The following DNAI4 variants were observed in gnomAD, a reference collection of about 807,000 sequenced individuals.
DNAI4 encodes the protein WD repeat domain 78.
In DNAI4, 85 loss-of-function variants were observed where a neutral mutation model predicts 105.8. The observed-to-expected ratio is 0.80, with a 90% CI of 0.67 to 0.96. DNAI4 has a LOEUF of 0.96. Among genes scored for constraint, DNAI4 ranks in the 40% least tolerant of loss-of-function variants. The pLI is 0.00. For missense variants in DNAI4, 1,014 were observed against 1,005.6 expected, an observed-to-expected ratio of 1.01 and a Z score of -0.11; for synonymous variants, 352 against 331.5, an observed-to-expected ratio of 1.06 and a Z score of -0.67.
intron 13 of DNAI4, among the ~76,000 whole-genome samples, chr1:66,830,232 C>CAA (rs550137777): frequency 6.9e-6 from 1 of 145,272 alleles, no homozygotes; most frequent in Non-Finnish European, 1.5e-5. Context: ...ATAAAGAAAA[C>CAA]AAAAAAAAAA....
intron 10 of DNAI4, among the ~76,000 whole-genome samples, chr1:66,836,254 G>GAAAGAAAGAA (rs1646007626): frequency 1.0e-5 from 1 of 99,008 alleles, no homozygotes; most frequent in Non-Finnish European, 2.0e-5. Flanking sequence ...AAGAGAGAGA[G>GAAAGAAAGAA]AGAAAGAAAG....
At chr1:66,831,187 T>A (rs1645860110) in intron 13 of DNAI4, among the ~76,000 whole-genome samples, 1 of 151,876 alleles carries the variant, frequency 6.6e-6, no homozygotes. Flanking sequence ...AGTTAAAAAT[T>A]AAAAATCTCC....
chr1:66,900,787 A>T (rs562656691), intron 2 of DNAI4, among the ~76,000 whole-genome samples: 1 of 152,286 alleles, frequency 6.6e-6, no homozygotes, highest in African/African-American at 2.4e-5. Context: ...TCCTAATAGT[A>T]TTTTAGTGAA....
chr1:66,910,113 T>G (rs1345986443), intron 1 of DNAI4, among the ~76,000 whole-genome samples: 1 of 152,168 alleles, frequency 6.6e-6, no homozygotes, highest in African/African-American at 2.4e-5. Flanking sequence ...TTTGGAAGAT[T>G]GAGACAGGAG....
intron 1 of DNAI4, among the ~76,000 whole-genome samples, chr1:66,914,806 CACT>C (rs1649942356): frequency 1.3e-5 from 2 of 152,130 alleles, no homozygotes; most frequent in African/African-American, 4.8e-5. Context: ...CACAATGTTT[CACT>C]ACTAAAAATA....
intron 1 of DNAI4, among the ~76,000 whole-genome samples, chr1:66,915,819 TTA>T (rs1650022648): frequency 2.0e-5 from 3 of 151,864 alleles, no homozygotes; most frequent in African/African-American, 7.3e-5. Context: ...GAGAATAATT[TTA>T]TATGAGAAAA....
rs1651065158 is a variant in DNAI4, at chr1:66,924,839, G to A, written c.-8C>T. 4 of 1,613,516 alleles carry A rather than the reference G, an allele frequency of 2.5e-6. No individual in the cohort carries two copies. Among genetic ancestry groups the A allele is most frequent in the Middle Eastern group, 1.7e-4 (1 of 6,054 alleles). On this transcript the variant is annotated 5_prime_UTR_variant, in exon 1 of 17. Coordinates refer to ENST00000371026, the MANE Select transcript of DNAI4 (RefSeq NM_024763.5). ...ATGTTTGCCGGGCGTCATGGCGACG[G>A]TGGAGCCCTGGCTCAACAAGCGGCC...
intron 3 of DNAI4, 110 bp downstream of exon 3, chr1:66,893,119 A>AAG (rs771904136): frequency 9.5e-6 from 5 of 526,734 alleles, no homozygotes; most frequent in African/African-American, 8.0e-5. Context: ...GAAAGAAAGA[A>AAG]AGAAACTGGG....
chr1:66,871,361 A>G lies in DNAI4; in HGVS notation c.940+9T>C, dbSNP rs189898228. On this transcript the variant is annotated intron_variant, in intron 6 of 16. Coordinates refer to ENST00000371026, the MANE Select transcript of DNAI4 (RefSeq NM_024763.5). Reference sequence around the variant, plus strand: ...ATTATAGTTTATCAAGCAGAATGATAGAAATTACCTTTATCTTCCATTATG... The same window carrying G: ...ATTATAGTTTATCAAGCAGAATGATGGAAATTACCTTTATCTTCCATTATG... 6.3e-7 allele frequency: 1 copy of G among 1,599,338 alleles called. No homozygotes were observed. The highest frequency in any genetic ancestry group is 1.1e-5 in the South Asian group (1 of 87,834).
intron 5 of DNAI4, among the ~76,000 whole-genome samples, chr1:66,873,903 A>C (rs1164112269): frequency 1.9e-5 from 1 of 53,500 alleles, no homozygotes; most frequent in South Asian, 4.7e-4. Context: ...CTTCCTTCTT[A>C]TGAGCTTTTA....
At chr1:66,913,911 C>T (rs1276247995) in intron 1 of DNAI4, among the ~76,000 whole-genome samples, 1 of 148,244 alleles carries the variant, frequency 6.7e-6, no homozygotes, top group African/African-American at 2.5e-5. Context: ...GAACCCGGAG[C>T]AGGCGGAGGT....
intron 1 of DNAI4, among the ~76,000 whole-genome samples, chr1:66,919,336 A>T (rs1650293886): frequency 6.6e-6 from 1 of 152,252 alleles, no homozygotes; most frequent in African/African-American, 2.4e-5. Flanking sequence ...TATATGCACA[A>T]TAAAATAATC....
At chr1:66,859,651 CAT>C (rs745909089) in intron 7 of DNAI4, among the ~76,000 whole-genome samples, 2 of 152,092 alleles carry the variant, frequency 1.3e-5, no homozygotes, top group Non-Finnish European at 2.9e-5. Flanking sequence ...CATGAAAAAA[CAT>C]AGAGGAGGCT....
intron 1 of DNAI4, among the ~76,000 whole-genome samples, chr1:66,914,554 T>C (rs1053444205): frequency 1.3e-5 from 2 of 152,202 alleles, no homozygotes; most frequent in African/African-American, 4.8e-5. Flanking sequence ...TTCTAGCACA[T>C]AAAACTTTTT....
intron 1 of DNAI4, among the ~76,000 whole-genome samples, chr1:66,911,602 A>C (rs1649661119): frequency 6.6e-6 from 1 of 152,230 alleles, no homozygotes; most frequent in Non-Finnish European, 1.5e-5. Context: ...AACACTCTGG[A>C]GATTCTAAGG....
intron 11 of DNAI4, among the ~76,000 whole-genome samples, chr1:66,834,880 C>T (rs1479962250): frequency 2.0e-5 from 3 of 152,114 alleles, no homozygotes; most frequent in Non-Finnish European, 2.9e-5. Context: ...CCTATGCTTA[C>T]AAAACTGCAA....
At chr1:66,882,069 C>A (rs1647085018) in intron 4 of DNAI4, among the ~76,000 whole-genome samples, 1 of 152,166 alleles carries the variant, frequency 6.6e-6, no homozygotes, top group African/African-American at 2.4e-5. Flanking sequence ...ATTGTGAGGC[C>A]TCCCCAGCCA....
rs765377834 is a variant in DNAI4 at position 66,827,928 on chromosome 1, G to A, written c.2014-18C>T. 2.2e-5 allele frequency: 33 copies of A among 1,469,212 alleles called. No individual in the cohort carries two copies. The highest frequency in any genetic ancestry group is 5.4e-5 in the Admixed American group (3 of 55,576). 91.0% of individuals were successfully genotyped at this position (1,469,212 alleles called of 1,614,324 possible). A position where few individuals can be genotyped will look rare whatever the true frequency, so the allele number is the denominator to read the frequency against. On this transcript the variant is annotated intron_variant, in intron 13 of 16. Transcript: ENST00000371026. ...TTTGTGTCCTACAACACAAAACATCGAAATGCATTGGCTTGTGATACATTA... is the reference window on the plus strand; with the variant it reads ...TTTGTGTCCTACAACACAAAACATCAAAATGCATTGGCTTGTGATACATTA...
At chr1:66,826,296 T>G (rs1256828558) in intron 15 of DNAI4, among the ~76,000 whole-genome samples, 1 of 151,970 alleles carries the variant, frequency 6.6e-6, no homozygotes, top group Non-Finnish European at 1.5e-5. Flanking sequence ...GGTAAACCAC[T>G]TTCTTTAGTC....
Sources: allele counts gnomAD v4.1 joint callset (sites outside exome capture counted in the v4.1 genomes callset), GRCh38; gene constraint gnomAD v4.1.1; transcripts MANE v1.5; gene names NCBI Gene and HGNC (gene_info 2026-07-23, HGNC 2026-07-21).